CSMD1: variants seen among roughly 807,000 people sequenced by gnomAD.
CSMD1 encodes CUB and Sushi multiple domains 1, also known as CUB and sushi domain-containing protein 1.
A neutral mutation model predicts 417.5 loss-of-function variants in CSMD1; 213 were observed. The ratio of observed to expected loss-of-function variants is 0.51; its 90% confidence interval spans 0.46 to 0.57. The LOEUF (loss-of-function observed/expected upper bound fraction) is 0.57, where lower values mean the gene tolerates loss of function less well. Among genes scored for constraint, CSMD1 ranks in the 20% least tolerant of loss-of-function variants. The probability of loss-of-function intolerance (pLI) is 0.00; values close to 1 mark genes in which losing one functional copy is unlikely to be tolerated. For synonymous variants in CSMD1, 2,862 were observed against 1,736.8 expected (o/e 1.65, Z -16.11); for missense variants, 6,923 against 4,529.7 (o/e 1.53, Z -15.17).
intron 26 of CSMD1, among the ~76,000 whole-genome samples, chr8:3,248,572 C>T (rs909091025): frequency 1.5e-5 from 2 of 135,626 alleles, no homozygotes. Flanking sequence ...CTCTGTCGCC[C>T]AGCCTGGAGT....
intron 6 of CSMD1, among the ~76,000 whole-genome samples, chr8:3,719,535 T>C (rs921344340): frequency 1.3e-5 from 2 of 152,184 alleles, no homozygotes; most frequent in East Asian, 1.9e-4. Flanking sequence ...TTTGGGAAAA[T>C]TAACTTCAGT....
chr8:4,379,940 C>G (rs947746805), intron 3 of CSMD1, among the ~76,000 whole-genome samples: 1 of 152,194 alleles, frequency 6.6e-6, no homozygotes, highest in Non-Finnish European at 1.5e-5. Flanking sequence ...AGCATACACT[C>G]TGGAGATGGA....
chr8:3,514,298 G>A (rs1177298547), intron 10 of CSMD1, among the ~76,000 whole-genome samples: 4 of 152,158 alleles, frequency 2.6e-5, no homozygotes, highest in African/African-American at 7.2e-5. Context: ...CGTCCTCAGT[G>A]CATTGCAGCT....
intron 3 of CSMD1, among the ~76,000 whole-genome samples, chr8:4,137,444 T>A (rs2131002544): frequency 2.3e-5 from 2 of 86,304 alleles, no homozygotes; most frequent in Non-Finnish European, 6.6e-5. Context: ...AAATATATTG[T>A]CAAAATAGAG....
chr8:3,383,377 G>C (rs1377021608), intron 18 of CSMD1, among the ~76,000 whole-genome samples: 1 of 151,670 alleles, frequency 6.6e-6, no homozygotes, highest in African/African-American at 2.4e-5. Flanking sequence ...TTCCACACTA[G>C]GAAAACCTCA....
At chr8:3,797,919 A>G (rs887416287) in intron 5 of CSMD1, among the ~76,000 whole-genome samples, 1 of 152,010 alleles carries the variant, frequency 6.6e-6, no homozygotes, top group East Asian at 1.9e-4. Flanking sequence ...AACATTTGAT[A>G]TTGTCAAGTT....
At chr8:3,383,672 G>A (rs1181014364) in intron 18 of CSMD1, among the ~76,000 whole-genome samples, 1 of 68,562 alleles carries the variant, frequency 1.5e-5, no homozygotes, top group Non-Finnish European at 3.2e-5. Context: ...TGTGTAGATC[G>A]AAGGAACTGT....
chr8:3,940,810 A>C (rs991888852), intron 5 of CSMD1, among the ~76,000 whole-genome samples: 3 of 151,854 alleles, frequency 2.0e-5, no homozygotes, highest in African/African-American at 7.3e-5. Flanking sequence ...ACTATAACAA[A>C]TATCTTAAAA....
At chr8:4,051,148 A>G (rs967220843) in intron 3 of CSMD1, among the ~76,000 whole-genome samples, 34 of 152,276 alleles carry the variant, frequency 2.2e-4, no homozygotes, top group African/African-American at 7.0e-4. Flanking sequence ...AAAAAAGACC[A>G]GGAGTAGAAA....
rs574650193 is a variant in CSMD1 at position 4,364,287 on chromosome 8, C to G, written c.415+55666G>C. Among the ~76,000 whole-genome samples the G allele has an allele frequency of 9.9e-4, 150 of 152,160 alleles. 1 individual carries two copies. In the South Asian group the frequency reaches 0.012, roughly 12 times the overall value. On this transcript the variant is annotated intron_variant, in intron 3 of 69. Transcript: ENST00000635120. ...AGAAAGGATTACAACTTTCTTTAAG[C>G]CAAGGGGAACATTAAGGTCCTCTTG...
At position 3,968,423 on chromosome 8, in the gene CSMD1, G is replaced by T. The variant is rs143281685; in HGVS notation, c.818+29480C>A. On this transcript the variant is annotated intron_variant, in intron 5 of 69. Transcript: ENST00000635120. ...CTCTTCTTCCTTCATGGGTTCACAT[G>T]GACACACACTCAGCAACCCACACAA... Among the ~76,000 whole-genome samples, 5 of 152,050 alleles carry T rather than the reference G, an allele frequency of 3.3e-5. No individual in the cohort carries two copies. The East Asian group carries it at 7.7e-4, about 24-fold the overall frequency.
At chr8:4,291,761 T>A (rs950418661) in intron 3 of CSMD1, among the ~76,000 whole-genome samples, 1 of 152,244 alleles carries the variant, frequency 6.6e-6, no homozygotes, top group African/African-American at 2.4e-5. Flanking sequence ...AATATTAGGC[T>A]AACTAGCTAC....
chr8:4,764,047 A>G (rs1195743483), intron 1 of CSMD1, among the ~76,000 whole-genome samples: 1 of 152,196 alleles, frequency 6.6e-6, no homozygotes, highest in Non-Finnish European at 1.5e-5. Context: ...CCCATGAATT[A>G]CGCTGGCAAC....
chr8:4,981,653 A>G (rs190036839), intron 1 of CSMD1, among the ~76,000 whole-genome samples: 41 of 152,186 alleles, frequency 2.7e-4, no homozygotes, highest in Admixed American at 1.6e-3. Context: ...ATCTTTTTAT[A>G]TTACTTTTCT....
rs375859585 is a variant in CSMD1, at chr8:3,302,327, A to G, written c.3950+5368T>C. On this transcript the variant is annotated intron_variant, in intron 25 of 69. Coordinates refer to ENST00000635120, the MANE Select transcript of CSMD1 (RefSeq NM_033225.6). The stretch of plus-strand genomic sequence containing the variant: ...GAGTCACTTCTTCTGGAATATCTCC[A>G]TCGTTCTCATCACAGCATCTCCTCC... Among the ~76,000 whole-genome samples the G allele has an allele frequency of 4.7e-4, 71 of 152,186 alleles. No homozygotes were observed. In the South Asian group the frequency reaches 0.014, roughly 31 times the overall value.
At chr8:3,250,188 C>A (rs966849349) in intron 26 of CSMD1, among the ~76,000 whole-genome samples, 19 of 152,166 alleles carry the variant, frequency 1.2e-4, no homozygotes, top group Non-Finnish European at 1.6e-4. Flanking sequence ...AGGTATGTCT[C>A]CAAATACTAT....
At chr8:3,936,367 G>C (rs905096140) in intron 5 of CSMD1, among the ~76,000 whole-genome samples, 1 of 152,084 alleles carries the variant, frequency 6.6e-6, no homozygotes, top group Non-Finnish European at 1.5e-5. Flanking sequence ...TACCATCTAG[G>C]ATTTTCATAG....
Position 3,057,542 on chromosome 8 carries a change from T to C in CSMD1, c.7475-4895A>G, listed in dbSNP as rs533269892. On this transcript the variant is annotated intron_variant, in intron 49 of 69. Transcript: ENST00000635120. ...TAAGTACATATGTGTAATTATGTCT[T>C]ATTTTATACATGATTTTATAGTTAT... Among the ~76,000 whole-genome samples the C allele has an allele frequency of 1.1e-3, 141 of 124,674 alleles. 1 individual carries two copies. The highest frequency in any genetic ancestry group is 3.8e-3 in the African/African-American group (129 of 33,714). The allele number at this position is 124,674 out of a possible 152,430, so 81.8% of individuals were successfully genotyped here.
chr8:3,323,251 C>G (rs956211706), intron 23 of CSMD1, among the ~76,000 whole-genome samples: 1 of 152,202 alleles, frequency 6.6e-6, no homozygotes, highest in African/African-American at 2.4e-5. Flanking sequence ...CAAGGGACCT[C>G]AACATTCTTG....
Sources: allele counts gnomAD v4.1 joint callset (sites outside exome capture counted in the v4.1 genomes callset), GRCh38; gene constraint gnomAD v4.1.1; transcripts MANE v1.5; gene names NCBI Gene and HGNC (gene_info 2026-07-23, HGNC 2026-07-21).